LIMCH1: variants seen among roughly 807,000 people sequenced by gnomAD.
LIMCH1 encodes the protein LIM and calponin homology domains-containing protein 1.
Under a neutral mutation model 176.5 loss-of-function variants are expected in LIMCH1, and 113 were observed. The ratio of observed to expected loss-of-function variants is 0.64; its 90% CI spans 0.55 to 0.75. The LOEUF is 0.75. LIMCH1 is among the 30% of genes least tolerant of loss of function. The pLI, the probability that LIMCH1 is intolerant of heterozygous loss-of-function variation, is 0.00. For synonymous variants in LIMCH1, 619 were observed against 645.9 expected, an observed-to-expected ratio of 0.96 and a Z score of 0.63; for missense variants, 1,674 against 1,814.9, an observed-to-expected ratio of 0.92 and a Z score of 1.41.
chr4:41,393,651 C>T (rs375552465), intron 1 of LIMCH1, among the ~76,000 whole-genome samples: 39 of 152,270 alleles, frequency 2.6e-4, no homozygotes, highest in East Asian at 2.1e-3. Flanking sequence ...ATTATAGTTT[C>T]ATTTGGAGCT....
intron 14 of LIMCH1, among the ~76,000 whole-genome samples, chr4:41,642,587 C>T (rs186567403): frequency 6.6e-6 from 1 of 151,896 alleles, no homozygotes; most frequent in East Asian, 1.9e-4. Context: ...GAGATAGAGT[C>T]TCGCTCTGTC....
intron 28 of LIMCH1, 109 bp downstream of exon 28, chr4:41,685,939 G>A (rs1720398509): frequency 1.2e-5 from 14 of 1,189,258 alleles, no homozygotes; most frequent in South Asian, 4.8e-5. Flanking sequence ...CAGCATTTTT[G>A]TGCTTTCTCT....
intron 21 of LIMCH1, chr4:41,670,995 T>C (rs1226793105): frequency 3.1e-6 from 3 of 980,526 alleles, no homozygotes; most frequent in African/African-American, 1.8e-5. Context: ...CACAACTTTA[T>C]GTTGATTTCA....
chr4:41,374,510 G>T (rs542207283), intron 1 of LIMCH1, among the ~76,000 whole-genome samples: 4 of 151,912 alleles, frequency 2.6e-5, no homozygotes, highest in Non-Finnish European at 4.4e-5. Flanking sequence ...ATTTAAAAAT[G>T]TATTTCTTAT....
chr4:41,681,526 C>G (rs1035372075), intron 25 of LIMCH1, among the ~76,000 whole-genome samples: 4 of 152,114 alleles, frequency 2.6e-5, no homozygotes, highest in South Asian at 4.1e-4. Context: ...CTAACCCCCC[C>G]ACATTCCACA....
intron 1 of LIMCH1, among the ~76,000 whole-genome samples, chr4:41,370,387 G>GAA (rs60560499): frequency 2.6e-5 from 4 of 151,954 alleles, no homozygotes; most frequent in African/African-American, 7.2e-5. Context: ...ATTTTTAAAG[G>GAA]AAAAAAACCC....
chr4:41,549,412 G>A (rs1485179418), intron 1 of LIMCH1, among the ~76,000 whole-genome samples: 5 of 152,152 alleles, frequency 3.3e-5, no homozygotes, highest in Non-Finnish European at 5.9e-5. Flanking sequence ...GTATGCACTC[G>A]GTGAGGGATA....
At chr4:41,602,487 A>G (rs2090095360) in intron 2 of LIMCH1, among the ~76,000 whole-genome samples, 1 of 152,118 alleles carries the variant, frequency 6.6e-6, no homozygotes, top group Non-Finnish European at 1.5e-5. Flanking sequence ...TATGTTCCCT[A>G]TTCTTAATTT....
At chr4:41,674,791 C>G (rs1560330939) in intron 22 of LIMCH1, among the ~76,000 whole-genome samples, 1 of 152,192 alleles carries the variant, frequency 6.6e-6, no homozygotes, top group Non-Finnish European at 1.5e-5. Flanking sequence ...TGAATACCAT[C>G]CTAAAAGTGA....
chr4:41,564,948 T>C (rs1014322094), intron 1 of LIMCH1, among the ~76,000 whole-genome samples: 1 of 152,192 alleles, frequency 6.6e-6, no homozygotes, highest in African/African-American at 2.4e-5. Flanking sequence ...GCCATGATTG[T>C]AAGTTTCCTG....
At chr4:41,615,363 T>C (rs2091947690) in intron 5 of LIMCH1, among the ~76,000 whole-genome samples, 1 of 152,152 alleles carries the variant, frequency 6.6e-6, no homozygotes, top group African/African-American at 2.4e-5. Context: ...TGATTACTAA[T>C]ATTATACTAA....
At chr4:41,447,354 A>G (rs1318868455) in intron 1 of LIMCH1, among the ~76,000 whole-genome samples, 4 of 152,214 alleles carry the variant, frequency 2.6e-5, no homozygotes, top group South Asian at 4.1e-4. Context: ...TTAAATACTG[A>G]TATCTGCTTC....
chr4:41,546,513 G>C (rs1031993442), intron 1 of LIMCH1, among the ~76,000 whole-genome samples: 10 of 151,722 alleles, frequency 6.6e-5, no homozygotes, highest in African/African-American at 2.4e-4. Flanking sequence ...CCTATCTATA[G>C]AATGAAATCA....
At position 41,661,461 on chromosome 4, in the gene LIMCH1, G is replaced by T; in HGVS notation, c.3078G>T (p.Lys1026Asn). The T allele has an allele frequency of 6.2e-7, 1 of 1,613,344 alleles. No individual in the cohort carries two copies. The highest frequency in any genetic ancestry group is 2.2e-5 in the East Asian group (1 of 44,824). ...CGGAACCGAATAGTCAAGAGGACAA[G>T]AATGATGGTGGAAAATCAAGAAAAG... is the stretch of plus-strand genomic sequence containing the variant. Reference protein sequence around the residue: ...EKTEPNSQEDKNDGGKSRKGN... With the variant: ...EKTEPNSQEDNNDGGKSRKGN... The change falls in exon 19 of 32, where the codon AAG becomes AAT. Residue 1026 changes from lysine to asparagine, a missense_variant. Transcript: ENST00000503057.
At chr4:41,560,088 C>A (rs1429230900) in intron 1 of LIMCH1, among the ~76,000 whole-genome samples, 3 of 152,162 alleles carry the variant, frequency 2.0e-5, no homozygotes, top group Non-Finnish European at 4.4e-5. Flanking sequence ...ATCAAACAAC[C>A]CGTTCCTCCA....
intron 3 of LIMCH1, among the ~76,000 whole-genome samples, chr4:41,530,039 C>T (rs1010802389): frequency 1.3e-5 from 2 of 152,126 alleles, no homozygotes; most frequent in African/African-American, 4.8e-5. Flanking sequence ...TGTAAGTTTC[C>T]ATAAGTTCTT....
chr4:41,482,623 G>A (rs1166339049), intron 1 of LIMCH1, among the ~76,000 whole-genome samples: 4 of 152,100 alleles, frequency 2.6e-5, no homozygotes, highest in Non-Finnish European at 5.9e-5. Context: ...CCAGGAAAGC[G>A]TGGCCTTATT....
chr4:41,624,788 T>C (rs2092830736), intron 7 of LIMCH1, among the ~76,000 whole-genome samples: 1 of 152,088 alleles, frequency 6.6e-6, no homozygotes, highest in Non-Finnish European at 1.5e-5. Context: ...CTTAAATCAT[T>C]ACCTCATTCA....
At chr4:41,514,912 T>G (rs2075386113) in intron 2 of LIMCH1, among the ~76,000 whole-genome samples, 1 of 152,208 alleles carries the variant, frequency 6.6e-6, no homozygotes, top group African/African-American at 2.4e-5. Context: ...AGCAGTTCGC[T>G]TCACAAAGTC....
Sources: gnomAD v4.1 joint callset for allele counts (sites outside exome capture counted in the v4.1 genomes callset) on GRCh38, gnomAD v4.1.1 for gene constraint, MANE v1.5 for transcripts, NCBI Gene and HGNC (gene_info 2026-07-23, HGNC 2026-07-21) for gene names.